The following SETBP1 variants were observed in gnomAD, a reference collection of about 807,000 sequenced individuals.
SETBP1 encodes SET binding protein 1.
Under a neutral mutation model 101.0 loss-of-function variants are expected in SETBP1, and 9 were observed. That is an observed-to-expected ratio of 0.09 (90% CI 0.05 to 0.16). The LOEUF is 0.16. SETBP1 is among the 10% of genes least tolerant of loss of function. The probability of loss-of-function intolerance (pLI) is 1.00; values close to 1 mark genes in which losing one functional copy is unlikely to be tolerated. For missense variants in SETBP1, 1,858 were observed against 2,033.8 expected (o/e 0.91, Z 1.66); for synonymous variants, 818 against 788.5 (o/e 1.04, Z -0.63).
intron 4 of SETBP1, among the ~76,000 whole-genome samples, chr18:44,966,765 G>A (rs2071729361): frequency 6.6e-6 from 1 of 152,142 alleles, no homozygotes; most frequent in African/African-American, 2.4e-5. Context: ...GAAAGCCCAG[G>A]AGTTAAAGAC....
Position 44,791,966 on chromosome 18 carries a change from T to C in SETBP1, c.487-77264T>C, listed in dbSNP as rs149406243. Reference sequence around the variant, plus strand: ...AGGCATCCATCTGGAGCCAGAACCATGCACTTCAGTCCTGGTTCTGACACA... The same window carrying C: ...AGGCATCCATCTGGAGCCAGAACCACGCACTTCAGTCCTGGTTCTGACACA... On this transcript the variant is annotated intron_variant, in intron 2 of 5. Transcript: ENST00000649279. Among the ~76,000 whole-genome samples the C allele has an allele frequency of 2.3e-3, 347 of 152,192 alleles. 1 individual carries two copies. Among genetic ancestry groups the C allele is most frequent in the Non-Finnish European group, 3.9e-3 (268 of 67,996 alleles).
intron 2 of SETBP1, among the ~76,000 whole-genome samples, chr18:44,836,534 A>T (rs969004789): frequency 6.6e-6 from 1 of 152,138 alleles, no homozygotes; most frequent in Admixed American, 6.5e-5. Flanking sequence ...TTTCCTTAGG[A>T]TTCTGAGTTC....
At chr18:44,936,176 C>A (rs1354893080) in intron 3 of SETBP1, among the ~76,000 whole-genome samples, 1 of 152,226 alleles carries the variant, frequency 6.6e-6, no homozygotes, top group East Asian at 1.9e-4. Flanking sequence ...GAAGCCCAGC[C>A]CAGGGCTCCC....
intron 4 of SETBP1, among the ~76,000 whole-genome samples, chr18:44,992,548 A>G (rs968228892): frequency 2.6e-5 from 4 of 152,082 alleles, no homozygotes; most frequent in African/African-American, 4.8e-5. Context: ...TGCAATTGAG[A>G]TGAAAAGACT....
chr18:44,837,633 C>T (rs935561034), intron 2 of SETBP1, among the ~76,000 whole-genome samples: 6 of 152,086 alleles, frequency 3.9e-5, no homozygotes, highest in Admixed American at 6.6e-5. Flanking sequence ...TTTGCCTCAG[C>T]CTAAGAGGCG....
chr18:44,818,743 ACG>A (rs2072037865), intron 2 of SETBP1, among the ~76,000 whole-genome samples: 1 of 112,252 alleles, frequency 8.9e-6, no homozygotes, highest in Non-Finnish European at 2.0e-5. Flanking sequence ...AAGAAAAGAC[ACG>A]CACACACTCA....
At chr18:44,968,376 A>G (rs557704255) in intron 4 of SETBP1, among the ~76,000 whole-genome samples, 1 of 152,292 alleles carries the variant, frequency 6.6e-6, no homozygotes, top group South Asian at 2.1e-4. Flanking sequence ...CAAATATAAT[A>G]ATTAAATGGT....
At chr18:45,021,073 G>A (rs1165022544) in intron 4 of SETBP1, among the ~76,000 whole-genome samples, 4 of 152,074 alleles carry the variant, frequency 2.6e-5, no homozygotes, top group Non-Finnish European at 5.9e-5. Flanking sequence ...CTAAGGTCTG[G>A]CAGACATCCT....
intron 4 of SETBP1, among the ~76,000 whole-genome samples, chr18:45,014,287 G>A (rs2072899091): frequency 6.6e-6 from 1 of 152,196 alleles, no homozygotes; most frequent in Non-Finnish European, 1.5e-5. Context: ...ATCTAGTTAG[G>A]ACTGGTTTAG....
chr18:44,783,169 C>T (rs995735451), intron 2 of SETBP1, among the ~76,000 whole-genome samples: 3 of 152,152 alleles, frequency 2.0e-5, no homozygotes, highest in Admixed American at 2.0e-4. Flanking sequence ...GAAATTGCTC[C>T]ATGAACTCAA....
At chr18:44,919,843 T>C (rs759593956) in intron 3 of SETBP1, among the ~76,000 whole-genome samples, 7 of 152,020 alleles carry the variant, frequency 4.6e-5, no homozygotes, top group Admixed American at 1.3e-4. Flanking sequence ...ATATTACATA[T>C]AGGTTTGTAT....
At chr18:44,942,753 C>A (rs1008079954) in intron 3 of SETBP1, among the ~76,000 whole-genome samples, 2 of 152,124 alleles carry the variant, frequency 1.3e-5, no homozygotes, top group African/African-American at 4.8e-5. Flanking sequence ...TGGCTGAAAT[C>A]AAGTCAGTGA....
intron 4 of SETBP1, among the ~76,000 whole-genome samples, chr18:45,014,881 G>C (rs532436521): frequency 1.3e-5 from 2 of 152,282 alleles, no homozygotes; most frequent in South Asian, 4.1e-4. Context: ...AAAGGTCTTA[G>C]AGAGTGCCTT....
intron 1 of SETBP1, among the ~76,000 whole-genome samples, chr18:44,683,423 C>A (rs2068790644): frequency 6.6e-6 from 1 of 152,144 alleles, no homozygotes; most frequent in Admixed American, 6.5e-5. Flanking sequence ...TGGGGAGAGG[C>A]AGGAGGCAGG....
At chr18:44,752,015 T>G (rs1021930724) in intron 2 of SETBP1, among the ~76,000 whole-genome samples, 1 of 152,198 alleles carries the variant, frequency 6.6e-6, no homozygotes. Context: ...CCATCTCACC[T>G]TGACTACCTC....
At chr18:44,741,710 C>G (rs1312322402) in intron 2 of SETBP1, among the ~76,000 whole-genome samples, 1 of 152,082 alleles carries the variant, frequency 6.6e-6, no homozygotes, top group Non-Finnish European at 1.5e-5. Context: ...AGCTGTGGAG[C>G]TTGAAAATAG....
At chr18:44,813,847 A>T (rs910925808) in intron 2 of SETBP1, among the ~76,000 whole-genome samples, 1 of 152,156 alleles carries the variant, frequency 6.6e-6, no homozygotes, top group Non-Finnish European at 1.5e-5. Flanking sequence ...GTTTCTGGAC[A>T]TGGGAACACT....
intron 2 of SETBP1, among the ~76,000 whole-genome samples, chr18:44,756,150 G>A (rs2070489236): frequency 6.6e-6 from 1 of 151,680 alleles, no homozygotes; most frequent in Non-Finnish European, 1.5e-5. Context: ...CCTGGAGGCA[G>A]AGGTTGCACT....
chr18:44,779,911 AAC>A (rs147617143), intron 2 of SETBP1, among the ~76,000 whole-genome samples: 5,659 of 149,184 alleles, frequency 0.038, 158 homozygotes, highest in South Asian at 0.096. Flanking sequence ...TGCAGCCCCG[AAC>A]ACACACACAC....
Sources: allele counts gnomAD v4.1 joint callset (sites outside exome capture counted in the v4.1 genomes callset), GRCh38; gene constraint gnomAD v4.1.1; transcripts MANE v1.5; gene names NCBI Gene and HGNC (gene_info 2026-07-23, HGNC 2026-07-21).